Variants in SASH1 observed in about 807,000 individuals in gnomAD.
SASH1 encodes SAM and SH3 domain-containing protein 1.
In SASH1, 44 loss-of-function variants were observed where a neutral mutation model predicts 125.2. The observed-to-expected ratio is 0.35, with a 90% CI of 0.28 to 0.45. The LOEUF is 0.45. SASH1 is among the 20% of genes least tolerant of loss of function. The probability of loss-of-function intolerance (pLI) is 1.00; values close to 1 mark genes in which losing one functional copy is unlikely to be tolerated. For missense variants in SASH1, 1,426 were observed against 1,614.5 expected, an observed-to-expected ratio of 0.88 and a Z score of 2.00; for synonymous variants, 639 against 649.1, an observed-to-expected ratio of 0.98 and a Z score of 0.24.
At chr6:148,522,280 CAA>C (rs1174855221) in intron 10 of SASH1, among the ~76,000 whole-genome samples, 2 of 152,146 alleles carry the variant, frequency 1.3e-5, no homozygotes, top group Non-Finnish European at 2.9e-5. Context: ...TACAATCAAA[CAA>C]ATTTAACTTT....
At chr6:148,367,190 C>T (rs183900688) in intron 1 of SASH1, among the ~76,000 whole-genome samples, 54 of 152,204 alleles carry the variant, frequency 3.5e-4, no homozygotes, top group Non-Finnish European at 5.1e-4. Flanking sequence ...TCCCAAAGTG[C>T]GGGGATTACA....
intron 10 of SASH1, among the ~76,000 whole-genome samples, chr6:148,524,115 A>T (rs1418564640): frequency 0.062 from 3,282 of 52,646 alleles, 75 homozygotes; most frequent in African/African-American, 0.11. Context: ...ATATATATAT[A>T]TATATATTTT....
Position 148,385,503 on chromosome 6 carries a change from A to T in SASH1, c.157-4631A>T, listed in dbSNP as rs551951846. On this transcript the variant is annotated intron_variant, in intron 1 of 19. Transcript: ENST00000367467. ...TGATAAGTGTATTTTTTTGTATGTT[A>T]ATGAGTTGACTGATGGCTGGCCACT... 9.2e-5 allele frequency among the ~76,000 whole-genome samples: 14 copies of T among 152,172 alleles called. No homozygotes were observed. The South Asian group carries it at 2.7e-3, about 29-fold the overall frequency.
At chr6:148,515,200 A>AT (rs972440397) in intron 9 of SASH1, among the ~76,000 whole-genome samples, 19 of 152,162 alleles carry the variant, frequency 1.2e-4, no homozygotes, top group Non-Finnish European at 2.6e-4. Flanking sequence ...ATAAGATAAG[A>AT]TTTTTTCTGT....
intron 4 of SASH1, among the ~76,000 whole-genome samples, chr6:148,456,722 CATG>C: frequency 6.6e-6 from 1 of 151,822 alleles, no homozygotes; most frequent in African/African-American, 2.4e-5. Flanking sequence ...ATTAGCTGGA[CATG>C]GTGGTGCGCG....
At chr6:148,381,618 T>C (rs1480246840) in intron 1 of SASH1, among the ~76,000 whole-genome samples, 1 of 49,420 alleles carries the variant, frequency 2.0e-5, no homozygotes, top group Non-Finnish European at 3.3e-5. Context: ...TCTTGCTTTC[T>C]TTTTTTTTTT....
the SASH1 span, among the ~76,000 whole-genome samples, chr6:148,213,504 G>GT: frequency 1.5e-5 from 2 of 129,534 alleles, no homozygotes; most frequent in African/African-American, 6.1e-5. Flanking sequence ...CCTAGCCAAA[G>GT]GGTGTGTGTG....
intron 4 of SASH1, among the ~76,000 whole-genome samples, chr6:148,445,294 T>C (rs771708547): frequency 3.7e-4 from 56 of 152,322 alleles, no homozygotes; most frequent in Middle Eastern, 3.4e-3. Context: ...AGCCTTATTT[T>C]ACCCAGCCCC....
intron 2 of SASH1, among the ~76,000 whole-genome samples, chr6:148,428,628 T>TAAAAAAAAAAAAAAAAA (rs1775926512): frequency 2.0e-4 from 1 of 4,884 alleles, no homozygotes; most frequent in Non-Finnish European, 5.6e-4. Flanking sequence ...AAACTTTATC[T>TAAAAAAAAAAAAAAAAA]CAAAAAAAAA....
intron 1 of SASH1, among the ~76,000 whole-genome samples, chr6:148,300,965 T>C (rs1779925388): frequency 6.6e-6 from 1 of 152,078 alleles, no homozygotes; most frequent in African/African-American, 2.4e-5. Flanking sequence ...TTTTTGAGTT[T>C]GTTGTTGTTG....
chr6:148,227,541 A>G, the SASH1 span, among the ~76,000 whole-genome samples: 144 of 152,272 alleles, frequency 9.5e-4, no homozygotes, highest in Middle Eastern at 0.02. Flanking sequence ...TATTTTTAGT[A>G]GAGATGGGGT....
intron 1 of SASH1, among the ~76,000 whole-genome samples, chr6:148,328,481 TACTC>T (rs1273361787): frequency 6.6e-6 from 1 of 151,774 alleles, no homozygotes; most frequent in African/African-American, 2.4e-5. Context: ...TAATCCCAGA[TACTC>T]AGGAGGCTGA....
chr6:148,537,624 A>C (rs757072138), intron 16 of SASH1, among the ~76,000 whole-genome samples: 7 of 152,174 alleles, frequency 4.6e-5, no homozygotes, highest in Non-Finnish European at 7.3e-5. Flanking sequence ...ACATTTTAAG[A>C]AATATGGTGT....
the SASH1 span, among the ~76,000 whole-genome samples, chr6:148,239,169 A>G: frequency 4.6e-5 from 7 of 152,122 alleles, no homozygotes; most frequent in African/African-American, 1.4e-4. Flanking sequence ...CATTTGTTTG[A>G]CTGAGAGACA....
intron 1 of SASH1, among the ~76,000 whole-genome samples, chr6:148,276,233 G>A (rs1453672385): frequency 6.6e-6 from 1 of 152,162 alleles, no homozygotes; most frequent in Non-Finnish European, 1.5e-5. Flanking sequence ...ATAATAATCC[G>A]TGTAAAAGCC....
the SASH1 span, among the ~76,000 whole-genome samples, chr6:148,237,156 T>C: frequency 6.6e-6 from 1 of 151,916 alleles, no homozygotes; most frequent in Admixed American, 6.6e-5. Context: ...CCAATTCACT[T>C]ACTGAACAGT....
intron 8 of SASH1, chr6:148,513,589 GA>G (rs1780272906): frequency 1.0e-6 from 1 of 985,538 alleles, no homozygotes; most frequent in Non-Finnish European, 1.2e-6. Flanking sequence ...ATACTTGAGG[GA>G]AAACAGCTGG....
At chr6:148,396,450 C>T (rs1783953698) in intron 2 of SASH1, among the ~76,000 whole-genome samples, 1 of 141,722 alleles carries the variant, frequency 7.1e-6, no homozygotes, top group South Asian at 2.3e-4. Context: ...TTACTCCAGC[C>T]TGGGTGCCAG....
intron 1 of SASH1, among the ~76,000 whole-genome samples, chr6:148,361,966 T>C (rs1782237413): frequency 1.4e-5 from 2 of 145,322 alleles, no homozygotes; most frequent in Admixed American, 7.1e-5. Flanking sequence ...CAGGCTGGAG[T>C]GCAGTGGCGC....
Sources: allele counts gnomAD v4.1 joint callset (sites outside exome capture counted in the v4.1 genomes callset), GRCh38; gene constraint gnomAD v4.1.1; transcripts MANE v1.5; gene names NCBI Gene and HGNC (gene_info 2026-07-23, HGNC 2026-07-21).